The following AGPS variants were observed in gnomAD, a reference collection of about 807,000 sequenced individuals.
AGPS encodes the protein alkylglycerone phosphate synthase.
Under a neutral mutation model 90.7 loss-of-function variants are expected in AGPS, and 26 were observed. That is an observed-to-expected ratio of 0.29 (90% confidence interval 0.21 to 0.40). The LOEUF is 0.40. AGPS is among the 10% of genes least tolerant of loss of function. The probability of loss-of-function intolerance (pLI) is 1.00; values close to 1 mark genes in which losing one functional copy is unlikely to be tolerated. For missense variants in AGPS, 540 were observed against 816.1 expected, an observed-to-expected ratio of 0.66 and a Z score of 4.12; for synonymous variants, 294 against 285.3, an observed-to-expected ratio of 1.03 and a Z score of -0.31.
At chr2:177,404,844 C>T (rs1685422911) in intron 1 of AGPS, among the ~76,000 whole-genome samples, 1 of 152,126 alleles carries the variant, frequency 6.6e-6, no homozygotes, top group Non-Finnish European at 1.5e-5. Context: ...CCATTATTTT[C>T]AGAAAGTACA....
Position 177,420,739 on chromosome 2 carries a change from A to G in AGPS, c.350+381A>G, listed in dbSNP as rs538681579. 5.1e-4 allele frequency among the ~76,000 whole-genome samples: 78 copies of G among 151,984 alleles called. 3 individuals carry two copies. The South Asian group carries it at 0.014, about 28-fold the overall frequency. On this transcript the variant is annotated intron_variant, in intron 2 of 19. Transcript: ENST00000264167. ...TTGTGTCAGGATCCAAATAATGTCT[A>G]TAAGCCACCCACCACCCAATTCCCA... is the stretch of plus-strand genomic sequence containing the variant.
intron 8 of AGPS, among the ~76,000 whole-genome samples, chr2:177,456,080 G>A (rs1687101051): frequency 6.6e-6 from 1 of 152,178 alleles, no homozygotes; most frequent in South Asian, 2.1e-4. Context: ...CAGCACTTTG[G>A]GAGGCCAAAG....
chr2:177,513,757 T>C (rs1688948186), intron 16 of AGPS, 62 bp from the exon 17 acceptor site: 12 of 1,230,910 alleles, frequency 9.7e-6, no homozygotes, highest in African/African-American at 1.5e-5. Context: ...AACCAACGTT[T>C]ATTAGCACTT....
At chr2:177,465,315 A>T (rs1429969049) in intron 9 of AGPS, among the ~76,000 whole-genome samples, 1 of 136,248 alleles carries the variant, frequency 7.3e-6, no homozygotes, top group African/African-American at 2.7e-5. Flanking sequence ...TCCTGTGTAT[A>T]TTAAATACAT....
In AGPS at chr2:177,457,134, T is replaced by A. The variant is rs1409559028; in HGVS notation, c.871-4759T>A. ...ATGAAGGCAGAAATAAAGATGTTCTTTGAAACCAGTGAGAACGAAGACACA... is the reference window on the plus strand; with the variant it reads ...ATGAAGGCAGAAATAAAGATGTTCTATGAAACCAGTGAGAACGAAGACACA... On this transcript the variant is annotated intron_variant, in intron 8 of 19. Transcript: ENST00000264167. Among the ~76,000 whole-genome samples, 4 of 152,178 alleles carry A rather than the reference T, an allele frequency of 2.6e-5. No individual in the cohort carries two copies. The East Asian group carries it at 7.7e-4, about 29-fold the overall frequency.
intron 1 of AGPS, among the ~76,000 whole-genome samples, chr2:177,398,191 C>G (rs1397846812): frequency 6.6e-6 from 1 of 152,148 alleles, no homozygotes; most frequent in Admixed American, 6.6e-5. Flanking sequence ...GTTATTTGCA[C>G]AAGTGACCTG....
chr2:177,453,690 ATTTTTT>A (rs11401105), intron 8 of AGPS, among the ~76,000 whole-genome samples: 4 of 90,520 alleles, frequency 4.4e-5, no homozygotes, highest in African/African-American at 4.3e-5. Context: ...ATCAGTAGTA[ATTTTTT>A]TTTTTTTTTT....
intron 11 of AGPS, among the ~76,000 whole-genome samples, chr2:177,489,347 G>A (rs1480824478): frequency 6.6e-6 from 1 of 151,998 alleles, no homozygotes; most frequent in East Asian, 1.9e-4. Context: ...GCCTCCCAAA[G>A]TGCTGGGATT....
chr2:177,526,498 T>C (rs2079089165), intron 19 of AGPS, among the ~76,000 whole-genome samples: 1 of 152,022 alleles, frequency 6.6e-6, no homozygotes, highest in Non-Finnish European at 1.5e-5. Flanking sequence ...CCAAAGTGCT[T>C]GTTATATTTT....
chr2:177,522,434 C>T (rs942817952), intron 18 of AGPS, among the ~76,000 whole-genome samples: 2 of 151,982 alleles, frequency 1.3e-5, no homozygotes, highest in African/African-American at 4.8e-5. Flanking sequence ...ATGTATGATT[C>T]ATTCGGAAAA....
intron 10 of AGPS, among the ~76,000 whole-genome samples, chr2:177,480,680 A>G (rs1180766762): frequency 6.6e-6 from 1 of 152,116 alleles, no homozygotes; most frequent in Non-Finnish European, 1.5e-5. Context: ...TACATATATA[A>G]CAAACCTGCA....
intron 1 of AGPS, among the ~76,000 whole-genome samples, chr2:177,396,234 T>C (rs1225822197): frequency 6.6e-6 from 1 of 152,106 alleles, no homozygotes; most frequent in Non-Finnish European, 1.5e-5. Flanking sequence ...AACTAGGTGA[T>C]TTAGTATTGG....
chr2:177,514,022 C>A, intron 17 of AGPS, 114 bp downstream of exon 17: 1 of 786,094 alleles, frequency 1.3e-6, no homozygotes, highest in Non-Finnish European at 2.1e-6. Flanking sequence ...TTACATTTGG[C>A]CAGCTTTCCT....
At chr2:177,434,451 A>T in intron 3 of AGPS, 34 bp downstream of exon 3, 1 of 1,501,976 alleles carries the variant, frequency 6.7e-7, no homozygotes, top group Non-Finnish European at 9.2e-7. Context: ...AACTCATTTA[A>T]CTGTGTTTTT....
intron 3 of AGPS, among the ~76,000 whole-genome samples, chr2:177,436,195 G>A (rs1237026896): frequency 5.0e-5 from 6 of 119,026 alleles, no homozygotes; most frequent in African/African-American, 1.3e-4. Flanking sequence ...GAGCTCTGTC[G>A]CTCTGGAGTG....
intron 17 of AGPS, among the ~76,000 whole-genome samples, chr2:177,515,083 G>A (rs1054495706): frequency 3.3e-5 from 5 of 150,152 alleles, no homozygotes; most frequent in Admixed American, 1.3e-4. Flanking sequence ...CTTGTTCTCT[G>A]TAGTAAAAAG....
chr2:177,408,179 A>G (rs1389289527), intron 1 of AGPS, among the ~76,000 whole-genome samples: 2 of 152,194 alleles, frequency 1.3e-5, no homozygotes, highest in Non-Finnish European at 2.9e-5. Flanking sequence ...ACTGTGTTTT[A>G]GGCTGATTGT....
intron 9 of AGPS, among the ~76,000 whole-genome samples, chr2:177,466,488 G>A (rs1001632036): frequency 2.6e-5 from 4 of 152,184 alleles, no homozygotes; most frequent in African/African-American, 7.2e-5. Flanking sequence ...GCCCATTTCC[G>A]CCCAGGAGCC....
chr2:177,471,276 CAGTTA>C (rs1161008580), intron 10 of AGPS, among the ~76,000 whole-genome samples: 2 of 152,104 alleles, frequency 1.3e-5, no homozygotes, highest in Non-Finnish European at 2.9e-5. Context: ...AAATTTCTTT[CAGTTA>C]AATCATTTGA....
Sources: gnomAD v4.1 joint callset for allele counts (sites outside exome capture counted in the v4.1 genomes callset) on GRCh38, gnomAD v4.1.1 for gene constraint, MANE v1.5 for transcripts, NCBI Gene and HGNC (gene_info 2026-07-23, HGNC 2026-07-21) for gene names.